The following IMPDH1 variants were observed in gnomAD, a reference collection of about 807,000 sequenced individuals.
IMPDH1 encodes inosine-5'-monophosphate dehydrogenase 1.
In IMPDH1, 41 loss-of-function variants were observed where a neutral mutation model predicts 73.5. The observed-to-expected ratio is 0.56, with a 90% CI of 0.43 to 0.72. The LOEUF (loss-of-function observed/expected upper bound fraction) is 0.72, where lower values mean the gene tolerates loss of function less well. Among genes scored for constraint, IMPDH1 ranks in the 30% least tolerant of loss-of-function variants. The probability of loss-of-function intolerance (pLI) is 0.00; values close to 1 mark genes in which losing one functional copy is unlikely to be tolerated. For missense variants in IMPDH1, 645 were observed against 824.8 expected, an observed-to-expected ratio of 0.78 and a Z score of 2.67; for synonymous variants, 318 against 334.3, an observed-to-expected ratio of 0.95 and a Z score of 0.53.
At chr7:128,395,539 C>T (rs1487407261) in intron 12 of IMPDH1, among the ~76,000 whole-genome samples, 1 of 152,222 alleles carries the variant, frequency 6.6e-6, no homozygotes, top group East Asian at 1.9e-4. Flanking sequence ...AGCCCAATGC[C>T]CCCAGACAGG....
chr7:128,409,915 C>T lies in IMPDH1; in HGVS notation c.-14G>A. ...TGGCCCCTCCATGCGGAGGCCGCAG[C>T]TCAGGGCGGGCGGGAGCCTGGAGGC... On this transcript the variant is annotated 5_prime_UTR_variant, in exon 1 of 17. Coordinates refer to ENST00000338791, the MANE Select transcript of IMPDH1 (RefSeq NM_000883.4). 1 of 1,377,946 alleles carries T rather than the reference C, an allele frequency of 7.3e-7. No homozygotes were observed. Among genetic ancestry groups the T allele is most frequent in the South Asian group, 1.7e-5 (1 of 60,034 alleles). 85.4% of individuals were successfully genotyped at this position (1,377,946 alleles called of 1,614,324 possible). A position where few individuals can be genotyped will look rare whatever the true frequency, so the allele number is the denominator to read the frequency against.
At chr7:128,409,231 G>A (rs1798974409) in intron 3 of IMPDH1, 58 bp downstream of exon 3, 2 of 1,472,582 alleles carry the variant, frequency 1.4e-6, no homozygotes, top group African/African-American at 1.4e-5. Context: ...CTTGAGGTGA[G>A]CTGCACTGGC....
In IMPDH1 at chr7:128,400,445, G is replaced by C; in HGVS notation, c.674C>G (p.Ser225Cys). The C allele has an allele frequency of 6.2e-7, 1 of 1,612,332 alleles. No individual in the cohort carries two copies. The highest frequency in any genetic ancestry group is 1.1e-5 in the South Asian group (1 of 90,980). Residue 225 changes from serine (S) to cysteine (C), a missense_variant, in exon 8 of 17, where the codon TCT becomes TGT. Coordinates refer to ENST00000338791, the MANE Select transcript of IMPDH1 (RefSeq NM_000883.4). ...GCCCGTCTCAGTGATGGGGATGCCA[G>C]AGAAGCCATGCCGCATCTTGGCCTC... ...VLEAKMRHGF[S>C]GIPITETGTM...
intron 3 of IMPDH1, 94 bp from the exon 4 acceptor site, chr7:128,405,959 G>C (rs1008864293): frequency 8.6e-7 from 1 of 1,169,428 alleles, no homozygotes; most frequent in African/African-American, 1.7e-5. Context: ...GCCGCGCCGC[G>C]GCCACGCTGC....
chr7:128,394,299 C>T lies in IMPDH1; in HGVS notation c.1757G>A (p.Gly586Asp), dbSNP rs1248997726. 1.2e-6 allele frequency: 2 copies of T among 1,614,040 alleles called. No individual in the cohort carries two copies. Among genetic ancestry groups the T allele is most frequent in the East Asian group, 2.2e-5 (1 of 44,856 alleles). The stretch of plus-strand genomic sequence containing the variant: ...TTACGAGTGCAGGCCATGGACACCA[C>T]CCTCAATCTGGGCCGACATGGTCCG... Reference protein sequence around the residue: ...EKRTMSAQIEGGVHGLHSYEK... With the variant: ...EKRTMSAQIEDGVHGLHSYEK... Residue 586 changes from glycine to aspartate, a missense_variant, in exon 16 of 17, where the codon GGT becomes GAT. By Grantham distance (94) the Gly-to-Asp change is moderately conservative. Transcript: ENST00000338791. The surrounding 1 kb of genome is among the most constrained non-coding windows in gnomAD (Gnocchi z 5.5).
At chr7:128,404,634 T>C (rs1584747710) in intron 4 of IMPDH1, among the ~76,000 whole-genome samples, 1 of 151,426 alleles carries the variant, frequency 6.6e-6, no homozygotes, top group Non-Finnish European at 1.5e-5. Context: ...TGGAGGGGGG[T>C]GGGTCATTAA....
intron 16 of IMPDH1, 128 bp from the exon 17 acceptor site, chr7:128,393,156 G>A (rs1303269587): frequency 1.5e-5 from 16 of 1,036,002 alleles, no homozygotes; most frequent in South Asian, 2.6e-5. Context: ...GATCTCAGCC[G>A]TACGGCGCAG....
rs1014480593 is a variant in IMPDH1, at chr7:128,396,497, C to T, written c.1261+103G>A. ...ATGCCTGGGTCACCCCGGAGCCTAC[C>T]ATGGCAGAACAGGGCCTGGCAGAGA... On this transcript the variant is annotated intron_variant, in intron 12 of 16. Coordinates refer to ENST00000338791, the MANE Select transcript of IMPDH1 (RefSeq NM_000883.4). The surrounding 1 kb of genome is among the most constrained non-coding windows in gnomAD (Gnocchi z 4.0). The T allele has an allele frequency of 1.0e-5, 10 of 967,972 alleles. No homozygotes were observed. In the Admixed American group the frequency reaches 2.0e-4, roughly 19 times the overall value. 60.0% of individuals were successfully genotyped at this position (967,972 alleles called of 1,614,324 possible).
At chr7:128,395,613 C>T (rs1026074683) in intron 12 of IMPDH1, among the ~76,000 whole-genome samples, 3 of 152,212 alleles carry the variant, frequency 2.0e-5, no homozygotes, top group Admixed American at 6.5e-5. Context: ...TTGCAAAAAC[C>T]GTTACCAGGG....
In IMPDH1 at chr7:128,409,288, C is replaced by CCGG; in HGVS notation, c.254_254+1insCCG (p.Ser85_Met86insArg). The CCGG allele has an allele frequency of 6.2e-7, 1 of 1,613,494 alleles. No homozygotes were observed. The highest frequency in any genetic ancestry group is 1.3e-5 in the African/African-American group (1 of 75,036). Reference sequence around the variant, plus strand: ...TGGTGAGGAGGGGAGAGTGTCCTCACCTAGCCCTGCGAAGGCGATCCATCT... The same window carrying CCGG: ...TGGTGAGGAGGGGAGAGTGTCCTCACCGGCTAGCCCTGCGAAGGCGATCCATCT... On this transcript the variant is annotated inframe_insertion and splice_region_variant. Coordinates refer to ENST00000338791, the MANE Select transcript of IMPDH1 (RefSeq NM_000883.4).
chr7:128,406,530 C>T (rs1048389632), intron 3 of IMPDH1, among the ~76,000 whole-genome samples: 1 of 151,900 alleles, frequency 6.6e-6, no homozygotes, highest in Non-Finnish European at 1.5e-5. Flanking sequence ...TCCTAGGGAG[C>T]CGGCATTCTT....
Position 128,398,383 on chromosome 7 carries a change from A to G in IMPDH1, c.1074+31T>C. ...CTCCACTCTGCTGAACCACTCATCC[A>G]TCTCCCCCACCACTCAGGCGGGGGC... On this transcript the variant is annotated intron_variant, in intron 10 of 16. Transcript: ENST00000338791. This position sits in a 1 kb window ranked among gnomAD's most constrained non-coding sequence, Gnocchi z 4.3. The G allele has an allele frequency of 1.3e-6, 2 of 1,593,960 alleles. No individual in the cohort carries two copies. Among genetic ancestry groups the G allele is most frequent in the Non-Finnish European group, 1.7e-6 (2 of 1,163,480 alleles).
chr7:128,402,490 G>T (rs1008990860), intron 5 of IMPDH1, among the ~76,000 whole-genome samples: 8 of 152,154 alleles, frequency 5.3e-5, no homozygotes, highest in African/African-American at 1.7e-4. Context: ...TTGTTAAACT[G>T]AACAGCTGCA....
At chr7:128,395,596 CTT>C (rs1352173558) in intron 12 of IMPDH1, among the ~76,000 whole-genome samples, 1 of 152,224 alleles carries the variant, frequency 6.6e-6, no homozygotes, top group African/African-American at 2.4e-5. Flanking sequence ...CCCTTCAAGG[CTT>C]TTGTTTGCAA....
chr7:128,393,504 A>G (rs1402529532), intron 16 of IMPDH1, among the ~76,000 whole-genome samples: 1 of 152,138 alleles, frequency 6.6e-6, no homozygotes, highest in African/African-American at 2.4e-5. Flanking sequence ...CCAGAAAGGG[A>G]TATGTGTTTC....
Position 128,396,852 on chromosome 7 carries a change from C to T in IMPDH1, c.1165+80G>A. The T allele has an allele frequency of 2.4e-6, 3 of 1,231,046 alleles. No homozygotes were observed. Among genetic ancestry groups the T allele is most frequent in the Non-Finnish European group, 2.4e-6 (2 of 835,602 alleles). 76.3% of individuals were successfully genotyped at this position (1,231,046 alleles called of 1,614,324 possible). ...ACCCATGCCAGGAGCCATACCATCA[C>T]CTAGGGATGCTGAAGGACAGAAAAG... On this transcript the variant is annotated intron_variant, in intron 11 of 16. Transcript: ENST00000338791. The surrounding 1 kb of genome is among the most constrained non-coding windows in gnomAD (Gnocchi z 4.0).
At chr7:128,397,130 G>T in intron 10 of IMPDH1, 108 bp from the exon 11 acceptor site, 1 of 733,852 alleles carries the variant, frequency 1.4e-6, no homozygotes, top group Non-Finnish European at 2.4e-6. Flanking sequence ...ACTGTTATGA[G>T]AATGCTCTTT....
rs770240316 is a variant in IMPDH1, at chr7:128,405,799, C to G, written c.321G>C (p.Gln107His). The change falls in exon 4 of 17, where the codon CAG becomes CAC. Residue 107 changes from glutamine to histidine, a missense_variant. By Grantham distance (24) the Gln-to-His change is conservative. Around this residue, in one of 2 missense-constraint regions of IMPDH1, gnomAD observed 186 missense variants for 186.6 expected, o/e 1.00. Transcript: ENST00000338791. ...TGAGGCCGTCGGCGCTGGCGAAGAG[C>G]TGCTGCGCGGTGAGCCCATCCTCGG... ...YVPEDGLTAQ[Q>H]LFASADGLTY... is the part of the protein sequence containing the mutation. 1 of 1,543,174 alleles carries G rather than the reference C, an allele frequency of 6.5e-7. No individual in the cohort carries two copies. The highest frequency in any genetic ancestry group is 1.2e-5 in the South Asian group (1 of 83,248).
In IMPDH1 at chr7:128,397,026, T is replaced by G; in HGVS notation, c.1075-4A>C. The G allele has an allele frequency of 6.2e-7, 1 of 1,611,172 alleles. No individual in the cohort carries two copies. Among genetic ancestry groups the G allele is most frequent in the Non-Finnish European group, 8.5e-7 (1 of 1,177,394 alleles). On this transcript the variant is annotated splice_region_variant and splice_polypyrimidine_tract_variant and intron_variant, in intron 10 of 16. Coordinates refer to ENST00000338791, the MANE Select transcript of IMPDH1 (RefSeq NM_000883.4). ...CCGAATTCCCTTGGGACGAGTCCTG[T>G]GAGAAAGGACGGAAGAGCTTGGGCT...
Sources: gnomAD v4.1 joint callset for allele counts (sites outside exome capture counted in the v4.1 genomes callset) on GRCh38, gnomAD v4.1.1 for gene constraint, gnomAD v4.1.1 regional missense constraint, Gnocchi (gnomAD v3.1) non-coding constraint, MANE v1.5 for transcripts, NCBI Gene and HGNC (gene_info 2026-07-23, HGNC 2026-07-21) for gene names.